Variants in MYO5B observed in about 807,000 individuals in gnomAD.
MYO5B encodes the protein myosin VB, also known as unconventional myosin-Vb.
In MYO5B, 143 loss-of-function variants were observed where a neutral mutation model predicts 229.3. That is an observed-to-expected ratio of 0.62 (90% CI 0.54 to 0.72). MYO5B has a LOEUF of 0.72. MYO5B is among the 30% of genes least tolerant of loss of function. The pLI is 0.00. For synonymous variants in MYO5B, 918 were observed against 885.2 expected (o/e 1.04, Z -0.66); for missense variants, 2,321 against 2,331.0 (o/e 1.00, Z 0.09).
chr18:50,095,346 T>TC (rs2031530542), intron 1 of MYO5B, among the ~76,000 whole-genome samples: 1 of 151,942 alleles, frequency 6.6e-6, no homozygotes, highest in African/African-American at 2.4e-5. Context: ...TCCCTGCATT[T>TC]CCCTCCTCTA....
chr18:50,004,884 G>A (rs965075592), intron 4 of MYO5B, among the ~76,000 whole-genome samples: 1 of 152,178 alleles, frequency 6.6e-6, no homozygotes, highest in African/African-American at 2.4e-5. Context: ...TCCTGGAGCT[G>A]GAATCCCAGA....
At chr18:49,985,270 T>A (rs1027879775) in intron 7 of MYO5B, among the ~76,000 whole-genome samples, 5 of 152,206 alleles carry the variant, frequency 3.3e-5, no homozygotes, top group Non-Finnish European at 7.4e-5. Context: ...GGTGACAGTT[T>A]TTTTGTTCAC....
chr18:49,842,785 G>C lies in MYO5B; in HGVS notation c.4611+456C>G, dbSNP rs561439377. On this transcript the variant is annotated intron_variant, in intron 34 of 39. Coordinates refer to ENST00000285039, the MANE Select transcript of MYO5B (RefSeq NM_001080467.3). The stretch of plus-strand genomic sequence containing the variant: ...GGTTGCCTCACCTTGGGAGGTGATG[G>C]AATGTCACAGCCCTCCCTGTGTTAC... Among the ~76,000 whole-genome samples the C allele has an allele frequency of 9.2e-5, 14 of 152,344 alleles. No individual in the cohort carries two copies. In the East Asian group the frequency reaches 2.7e-3, roughly 29 times the overall value.
intron 16 of MYO5B, among the ~76,000 whole-genome samples, chr18:49,930,284 TGTTCA>T (rs1453988347): frequency 2.0e-5 from 3 of 152,362 alleles, no homozygotes; most frequent in South Asian, 2.1e-4. Context: ...TCACAACAGC[TGTTCA>T]GTTAAGAATC....
At chr18:49,974,283 G>A in intron 10 of MYO5B, 67 bp downstream of exon 10, 2 of 1,606,354 alleles carry the variant, frequency 1.2e-6, no homozygotes, top group South Asian at 1.1e-5. Flanking sequence ...TGCCCCTGCT[G>A]GCTGTAAAGT....
chr18:50,164,080 G>T (rs1356339334), intron 1 of MYO5B, among the ~76,000 whole-genome samples: 1 of 152,222 alleles, frequency 6.6e-6, no homozygotes, highest in Non-Finnish European at 1.5e-5. Flanking sequence ...ACATAAGGTG[G>T]TTTTTAGTGC....
chr18:49,929,016 T>C (rs2144193688), intron 17 of MYO5B, among the ~76,000 whole-genome samples: 1 of 152,280 alleles, frequency 6.6e-6, no homozygotes, highest in South Asian at 2.1e-4. Flanking sequence ...AGGTACAGTG[T>C]ATACTGCTTG....
chr18:50,109,517 C>T (rs1394209396), intron 1 of MYO5B, among the ~76,000 whole-genome samples: 4 of 151,992 alleles, frequency 2.6e-5, no homozygotes, highest in African/African-American at 7.3e-5. Context: ...GCTCCGCTTC[C>T]GGGGTTCATG....
At chr18:49,939,664 A>C (rs922487379) in intron 14 of MYO5B, among the ~76,000 whole-genome samples, 2 of 152,224 alleles carry the variant, frequency 1.3e-5, no homozygotes, top group Non-Finnish European at 2.9e-5. Flanking sequence ...GGTCAGCACC[A>C]GCTCTCAAAG....
chr18:49,834,093 C>G (rs1350729539), intron 39 of MYO5B, among the ~76,000 whole-genome samples: 2 of 152,038 alleles, frequency 1.3e-5, no homozygotes, highest in Admixed American at 6.5e-5. Flanking sequence ...TGGCTCTTTT[C>G]AAACCCCTTT....
chr18:50,169,217 G>C lies in MYO5B; in HGVS notation c.27+25550C>G, dbSNP rs1438441564. 1.6e-5 allele frequency among the ~76,000 whole-genome samples: 2 copies of C among 127,460 alleles called. 1 individual carries two copies. The highest frequency in any genetic ancestry group is 3.3e-5 in the Non-Finnish European group (2 of 59,842). 83.6% of individuals were successfully genotyped at this position (127,460 alleles called of 152,430 possible). On this transcript the variant is annotated intron_variant, in intron 1 of 39. Coordinates refer to ENST00000285039, the MANE Select transcript of MYO5B (RefSeq NM_001080467.3). The stretch of plus-strand genomic sequence containing the variant: ...CCTGCTATTCAAGAGGCTGAGGCAG[G>C]AGGATCCCTTGAGCCCAAGAGGCTG...
chr18:49,983,173 TGGG>T (rs2025834550), intron 8 of MYO5B, among the ~76,000 whole-genome samples: 2 of 152,210 alleles, frequency 1.3e-5, no homozygotes, highest in African/African-American at 4.8e-5. Context: ...AAACTGAAGC[TGGG>T]CCCTGTAAAC....
intron 19 of MYO5B, among the ~76,000 whole-genome samples, chr18:49,906,051 G>A (rs1194275970): frequency 6.6e-6 from 1 of 152,166 alleles, no homozygotes; most frequent in Non-Finnish European, 1.5e-5. Context: ...TAAGTAATGA[G>A]GCCAAGCACA....
chr18:49,865,025 AT>A (rs1351590737), intron 27 of MYO5B, among the ~76,000 whole-genome samples: 1 of 152,226 alleles, frequency 6.6e-6, no homozygotes, highest in Non-Finnish European at 1.5e-5. Flanking sequence ...TGGATAGTAC[AT>A]TTAACTTTGT....
chr18:49,901,951 C>A (rs191665075), intron 21 of MYO5B, among the ~76,000 whole-genome samples: 1 of 152,358 alleles, frequency 6.6e-6, no homozygotes, highest in East Asian at 1.9e-4. Context: ...ATACCCCACA[C>A]AGCAAGCCCT....
chr18:50,068,494 C>T (rs2030876651), intron 1 of MYO5B, among the ~76,000 whole-genome samples: 1 of 152,152 alleles, frequency 6.6e-6, no homozygotes, highest in Non-Finnish European at 1.5e-5. Context: ...AAAGGACTGA[C>T]CAAAACTCCT....
chr18:50,149,629 C>T (rs2032562344), intron 1 of MYO5B, among the ~76,000 whole-genome samples: 5 of 148,708 alleles, frequency 3.4e-5, no homozygotes, highest in African/African-American at 9.9e-5. Flanking sequence ...ACTGGCTAGC[C>T]ATATGTAGAA....
At chr18:50,014,492 A>G (rs1271020256) in intron 4 of MYO5B, among the ~76,000 whole-genome samples, 1 of 152,118 alleles carries the variant, frequency 6.6e-6, no homozygotes, top group Non-Finnish European at 1.5e-5. Context: ...GGTTGTGGTG[A>G]GGTGTGTAAG....
intron 1 of MYO5B, among the ~76,000 whole-genome samples, chr18:50,065,855 C>G (rs2030807541): frequency 6.6e-6 from 1 of 151,980 alleles, no homozygotes; most frequent in Admixed American, 6.6e-5. Flanking sequence ...GGTAGCTGGG[C>G]AAGATGTGGA....
Sources: allele counts gnomAD v4.1 joint callset (sites outside exome capture counted in the v4.1 genomes callset), GRCh38; gene constraint gnomAD v4.1.1; transcripts MANE v1.5; gene names NCBI Gene and HGNC (gene_info 2026-07-23, HGNC 2026-07-21).